The following COLEC12 variants were observed in gnomAD, a reference collection of about 807,000 sequenced individuals.
COLEC12 encodes the protein collectin-12.
In COLEC12, 33 loss-of-function variants were observed where a neutral mutation model predicts 71.1. That is an observed-to-expected ratio of 0.46 (90% CI 0.35 to 0.62). The LOEUF is 0.62. COLEC12 is among the 20% of genes least tolerant of loss of function. The pLI is 0.00. For missense variants in COLEC12, 765 were observed against 916.1 expected, an observed-to-expected ratio of 0.84 and a Z score of 2.13; for synonymous variants, 350 against 353.0, an observed-to-expected ratio of 0.99 and a Z score of 0.10.
rs1917800947 is a variant in COLEC12, at chr18:500,454, G to A, written c.7+54C>T. ...GAGGCACCTCCGTGGCCTCCCGCGC[G>A]CCCCGAAGCCCGTTCCCCCCGCCCA... On this transcript the variant is annotated intron_variant, in intron 1 of 9. Transcript: ENST00000400256. This position sits in a 1 kb window ranked among gnomAD's most constrained non-coding sequence, Gnocchi z 5.3. 1.7e-6 allele frequency: 2 copies of A among 1,194,998 alleles called. No homozygotes were observed. The highest frequency in any genetic ancestry group is 2.1e-6 in the Non-Finnish European group (2 of 959,288). The allele number at this position is 1,194,998 out of a possible 1,614,324, so 74.0% of individuals were successfully genotyped here. A position where few individuals can be genotyped will look rare whatever the true frequency, so the allele number is the denominator to read the frequency against.
intron 5 of COLEC12, among the ~76,000 whole-genome samples, chr18:338,954 T>G (rs1401129960): frequency 6.6e-6 from 1 of 150,376 alleles, no homozygotes; most frequent in Non-Finnish European, 1.5e-5. Context: ...TCAAGTGTTT[T>G]AAGAAATAAT....
Position 454,554 on chromosome 18 carries a change from C to T in COLEC12, c.58+26153G>A, listed in dbSNP as rs531142125. Among the ~76,000 whole-genome samples the T allele has an allele frequency of 9.2e-5, 14 of 152,252 alleles. No individual in the cohort carries two copies. The South Asian group carries it at 1.0e-3, about 11-fold the overall frequency. Reference sequence around the variant, plus strand: ...AAAATTAGCTGGATGTGGTGGCAGGCGCCTGTAATTCCCACTACTTGGGAG... The same window carrying T: ...AAAATTAGCTGGATGTGGTGGCAGGTGCCTGTAATTCCCACTACTTGGGAG... On this transcript the variant is annotated intron_variant, in intron 2 of 9. Transcript: ENST00000400256.
chr18:456,709 C>T (rs558179531), intron 2 of COLEC12, among the ~76,000 whole-genome samples: 1 of 152,246 alleles, frequency 6.6e-6, no homozygotes, highest in African/African-American at 2.4e-5. Flanking sequence ...GGCGTATTTT[C>T]TTCTCCAACA....
chr18:376,350 A>G lies in COLEC12; in HGVS notation c.59-18828T>C, dbSNP rs146631189. ...CTGCCAATTAAACAATGTTTTCATG[A>G]CCCCAGAAAATCCATGGATTGGAGA... On this transcript the variant is annotated intron_variant, in intron 2 of 9. Transcript: ENST00000400256. Among the ~76,000 whole-genome samples, 289 of 152,276 alleles carry G rather than the reference A, an allele frequency of 1.9e-3. 1 individual carries two copies. Among genetic ancestry groups the G allele is most frequent in the African/African-American group, 6.5e-3 (271 of 41,558 alleles).
At chr18:366,120 A>C (rs149382358) in intron 2 of COLEC12, among the ~76,000 whole-genome samples, 39 of 152,334 alleles carry the variant, frequency 2.6e-4, no homozygotes, top group African/African-American at 8.7e-4. Flanking sequence ...ACAAAAATCT[A>C]TCTCTGCCTT....
chr18:423,748 GT>G (rs144971783), intron 2 of COLEC12: 8,944 of 151,356 alleles, frequency 0.059, 307 homozygotes, highest in East Asian at 0.13. Context: ...TTTTTTGTTT[GT>G]TTTTTTTTGT....
Position 399,552 on chromosome 18 carries a change from T to C in COLEC12, c.59-42030A>G, listed in dbSNP as rs947155392. ...TCCTAAGTGTCAGGCCCTGGGGATATGCTGGGGAATGGAGCACAGATGGTC... is the reference window on the plus strand; with the variant it reads ...TCCTAAGTGTCAGGCCCTGGGGATACGCTGGGGAATGGAGCACAGATGGTC... On this transcript the variant is annotated intron_variant, in intron 2 of 9. Coordinates refer to ENST00000400256, the MANE Select transcript of COLEC12 (RefSeq NM_130386.3). The surrounding 1 kb of genome is among the most constrained non-coding windows in gnomAD (Gnocchi z 4.0). 1.3e-5 allele frequency among the ~76,000 whole-genome samples: 2 copies of C among 152,352 alleles called. No individual in the cohort carries two copies. Among genetic ancestry groups the C allele is most frequent in the East Asian group, 3.9e-4 (2 of 5,188 alleles).
At chr18:470,595 T>A (rs11081132) in intron 2 of COLEC12, among the ~76,000 whole-genome samples, 2,181 of 149,414 alleles carry the variant, frequency 0.015, 59 homozygotes, top group African/African-American at 0.049. Flanking sequence ...AAAAAAAAAA[T>A]TTTTTTTTAA....
chr18:405,749 C>G (rs1487337787), intron 2 of COLEC12, among the ~76,000 whole-genome samples: 1 of 152,102 alleles, frequency 6.6e-6, no homozygotes, highest in Non-Finnish European at 1.5e-5. Flanking sequence ...CTTCCCATCT[C>G]TCTCTCACCC....
chr18:438,530 C>T (rs768500506), intron 2 of COLEC12, among the ~76,000 whole-genome samples: 11 of 152,048 alleles, frequency 7.2e-5, no homozygotes, highest in Non-Finnish European at 1.3e-4. Flanking sequence ...ATCCTCATTC[C>T]AGCTGGGTGC....
In COLEC12 at chr18:500,376, G is replaced by T; in HGVS notation, c.7+132C>A. 2 of 536,120 alleles carry T rather than the reference G, an allele frequency of 3.7e-6. No homozygotes were observed. The highest frequency in any genetic ancestry group is 5.4e-6 in the Non-Finnish European group (2 of 371,136). The allele number at this position is 536,120 out of a possible 1,614,324, so 33.2% of individuals were successfully genotyped here. A position where few individuals can be genotyped will look rare whatever the true frequency, so the allele number is the denominator to read the frequency against. On this transcript the variant is annotated intron_variant, in intron 1 of 9. Transcript: ENST00000400256. The surrounding 1 kb of genome is among the most constrained non-coding windows in gnomAD (Gnocchi z 5.3). ...CCCAGTGTCCGCGCACGAACCCGGC[G>T]CCCTGGCAGCCCCGACTCCCCGGGC... is the stretch of plus-strand genomic sequence containing the variant.
Position 500,539 on chromosome 18 carries a change from G to T in COLEC12, c.-25C>A. ...TGGTGACCGTGGGGACGCACCGCCG[G>T]CCGGGGAGCTCCGCGCGAGCGCCGC... On this transcript the variant is annotated 5_prime_UTR_variant, in exon 1 of 10. Transcript: ENST00000400256. The surrounding 1 kb of genome is among the most constrained non-coding windows in gnomAD (Gnocchi z 5.3). The T allele has an allele frequency of 8.2e-7, 1 of 1,224,128 alleles. No homozygotes were observed. Among genetic ancestry groups the T allele is most frequent in the Non-Finnish European group, 1.0e-6 (1 of 983,082 alleles). 75.8% of individuals were successfully genotyped at this position (1,224,128 alleles called of 1,614,324 possible). A position where few individuals can be genotyped will look rare whatever the true frequency, so the allele number is the denominator to read the frequency against.
At position 329,143 on chromosome 18, in the gene COLEC12, G is replaced by A. The variant is rs114289483; in HGVS notation, c.2063+2525C>T. The stretch of plus-strand genomic sequence containing the variant: ...CTCAGGTCCTGGGTACCAAGCGGGT[G>A]CGCTCCATCCAGATCATGTAATTCT... On this transcript the variant is annotated intron_variant, in intron 8 of 9. Coordinates refer to ENST00000400256, the MANE Select transcript of COLEC12 (RefSeq NM_130386.3). Among the ~76,000 whole-genome samples, 637 of 152,254 alleles carry A rather than the reference G, an allele frequency of 4.2e-3. 3 individuals carry two copies. Among genetic ancestry groups the A allele is most frequent in the African/African-American group, 0.015 (616 of 41,544 alleles).
At chr18:483,272 T>G (rs1052110702) in intron 1 of COLEC12, among the ~76,000 whole-genome samples, 2 of 151,868 alleles carry the variant, frequency 1.3e-5, no homozygotes, top group African/African-American at 4.8e-5. Flanking sequence ...TGGTGGCAGG[T>G]GCCTGTAATC....
rs1263631595 is a variant in COLEC12, at chr18:319,337, A to ATATAT, written c.*707_*708insATATA. 80 of 36,324 alleles carry ATATAT rather than the reference A, an allele frequency of 2.2e-3. No homozygotes were observed. The East Asian group carries it at 0.026, about 12-fold the overall frequency. The allele number at this position is 36,324 out of a possible 1,614,324, so 2.3% of individuals were successfully genotyped here. ...ATGAAACATTAAAAAAAAAAAAAAA[A>ATATAT]AAAAATATATATATATATATATATA... On this transcript the variant is annotated 3_prime_UTR_variant, in exon 10 of 10. Coordinates refer to ENST00000400256, the MANE Select transcript of COLEC12 (RefSeq NM_130386.3).
intron 2 of COLEC12, among the ~76,000 whole-genome samples, chr18:479,207 C>G (rs1023677430): frequency 1.3e-5 from 2 of 152,148 alleles, no homozygotes; most frequent in Admixed American, 6.5e-5. Context: ...TGCGTCCCCC[C>G]CGGGAAAGAA....
intron 8 of COLEC12, among the ~76,000 whole-genome samples, chr18:325,627 CTTTTTTTTTTTTTTTT>C (rs760407917): frequency 2.5e-4 from 13 of 51,834 alleles, no homozygotes; most frequent in African/African-American, 9.4e-4. Flanking sequence ...AAGGATCAGC[CTTTTTTTTTTTTTTTT>C]TTTTTTTTTT....
chr18:470,529 C>T (rs1381538423), intron 2 of COLEC12, among the ~76,000 whole-genome samples: 1 of 151,902 alleles, frequency 6.6e-6, no homozygotes, highest in East Asian at 1.9e-4. Flanking sequence ...GCCACCACCC[C>T]AGAGGCCAGG....
rs186731820 is a variant in COLEC12 at position 439,311 on chromosome 18, T to C, written c.58+41396A>G. ...CATGCCTGTACCAACCAAAATGATA[T>C]ACGATCTTTGGTGCTCAGTACTGGT... On this transcript the variant is annotated intron_variant, in intron 2 of 9. Transcript: ENST00000400256. Among the ~76,000 whole-genome samples, 75 of 152,300 alleles carry C rather than the reference T, an allele frequency of 4.9e-4. 1 individual carries two copies. The highest frequency in any genetic ancestry group is 1.4e-3 in the African/African-American group (60 of 41,562).
Sources: allele counts gnomAD v4.1 joint callset (sites outside exome capture counted in the v4.1 genomes callset), GRCh38; gene constraint gnomAD v4.1.1; non-coding constraint Gnocchi (gnomAD v3.1); transcripts MANE v1.5; gene names NCBI Gene and HGNC (gene_info 2026-07-23, HGNC 2026-07-21).